LIMS1: variants seen among roughly 807,000 people sequenced by gnomAD.
LIMS1 encodes LIM and senescent cell antigen-like-containing domain protein 1.
LIMS1 carries 18 observed loss-of-function variants against 44.1 expected under a neutral mutation model. The ratio of observed to expected loss-of-function variants is 0.41; its 90% CI spans 0.28 to 0.61. The LOEUF (loss-of-function observed/expected upper bound fraction) is 0.61. Among genes scored for constraint, LIMS1 ranks in the 20% least tolerant of loss-of-function variants. LIMS1 has a pLI of 0.32. For missense variants in LIMS1, 201 were observed against 422.0 expected (o/e 0.48, Z 4.59); for synonymous variants, 93 against 149.1 (o/e 0.62, Z 2.74).
At chr2:108,636,438 G>GTGCTGC (rs1488019786) in intron 1 of LIMS1, among the ~76,000 whole-genome samples, 1 of 152,242 alleles carries the variant, frequency 6.6e-6, no homozygotes, top group Admixed American at 6.5e-5. Flanking sequence ...AGACACCGAA[G>GTGCTGC]AAGCCAGAGT....
chr2:108,623,760 C>T (rs992604034), intron 1 of LIMS1, among the ~76,000 whole-genome samples: 1 of 152,182 alleles, frequency 6.6e-6, no homozygotes, highest in Admixed American at 6.5e-5. Context: ...GCTCTCATTC[C>T]TTCTTACTCA....
chr2:108,607,263 C>G (rs1483844114), intron 1 of LIMS1: 1 of 1,550,752 alleles, frequency 6.4e-7, no homozygotes. Flanking sequence ...ATGGTGAGTG[C>G]TGCTGCACAA....
chr2:108,534,491 G>C, exon 1 of LIMS1: 2 of 1,124,728 alleles, frequency 1.8e-6, no homozygotes, highest in East Asian at 4.1e-5. Context: ...GCGGCGGCGA[G>C]GGACTAGGAC....
intron 1 of LIMS1, among the ~76,000 whole-genome samples, chr2:108,646,859 C>G (rs1261684420): frequency 1.3e-5 from 2 of 152,068 alleles, no homozygotes; most frequent in African/African-American, 4.8e-5. Flanking sequence ...GTAGCTGGGA[C>G]TACAGGCGCC....
At position 108,627,845 on chromosome 2, in the gene LIMS1, A is replaced by G. The variant is rs528460366; in HGVS notation, c.33-31760A>G. On this transcript the variant is annotated intron_variant, in intron 1 of 9. Transcript: ENST00000544547. ...ATCTTCTTTTAGAAGTAATTATTAAATATGTTTCACATAAATATGAACCTC... is the reference window on the plus strand; with the variant it reads ...ATCTTCTTTTAGAAGTAATTATTAAGTATGTTTCACATAAATATGAACCTC... Among the ~76,000 whole-genome samples, 3 of 152,346 alleles carry G rather than the reference A, an allele frequency of 2.0e-5. No homozygotes were observed. The East Asian group carries it at 5.8e-4, about 29-fold the overall frequency.
At chr2:108,602,954 G>A (rs1281923083) in intron 1 of LIMS1, among the ~76,000 whole-genome samples, 5 of 151,886 alleles carry the variant, frequency 3.3e-5, no homozygotes, top group African/African-American at 4.8e-5. Flanking sequence ...TTTTTGCAGG[G>A]ACTTATTTGT....
intron 1 of LIMS1, among the ~76,000 whole-genome samples, chr2:108,658,748 G>A (rs1249645694): frequency 6.6e-6 from 1 of 152,294 alleles, no homozygotes; most frequent in African/African-American, 2.4e-5. Context: ...ACCAGCCGCA[G>A]CAGTGGTTAC....
chr2:108,567,623 G>A (rs1339690622), intron 1 of LIMS1, among the ~76,000 whole-genome samples: 4 of 152,180 alleles, frequency 2.6e-5, no homozygotes, highest in Non-Finnish European at 5.9e-5. Context: ...CCAGGCTGGA[G>A]TGCAATGTCG....
intron 1 of LIMS1, among the ~76,000 whole-genome samples, chr2:108,550,956 A>G (rs1230318256): frequency 6.6e-6 from 1 of 151,662 alleles, no homozygotes; most frequent in Non-Finnish European, 1.5e-5. Flanking sequence ...CCTCATCTCT[A>G]CAAAAAAAAA....
intron 1 of LIMS1, among the ~76,000 whole-genome samples, chr2:108,587,296 G>T (rs1019462399): frequency 8.2e-5 from 3 of 36,586 alleles, no homozygotes; most frequent in Admixed American, 4.2e-4. Flanking sequence ...GGGTTTGTGT[G>T]TGTGTGTGTG....
intron 1 of LIMS1, among the ~76,000 whole-genome samples, chr2:108,622,241 T>G (rs1205296878): frequency 1.3e-5 from 2 of 152,152 alleles, no homozygotes; most frequent in Non-Finnish European, 2.9e-5. Context: ...GTACTTTAAT[T>G]TGGAGGTCTT....
intron 1 of LIMS1, among the ~76,000 whole-genome samples, chr2:108,553,006 A>G (rs1684812442): frequency 6.6e-6 from 1 of 152,170 alleles, no homozygotes; most frequent in Admixed American, 6.5e-5. Flanking sequence ...AAAATAAACG[A>G]AGTTTAATCA....
intron 1 of LIMS1, among the ~76,000 whole-genome samples, chr2:108,616,803 A>T (rs1048430086): frequency 3.9e-5 from 6 of 152,128 alleles, no homozygotes; most frequent in Non-Finnish European, 8.8e-5. Context: ...CTTCCTTCAA[A>T]TTTATAGCCT....
chr2:108,681,981 T>G (rs1475563937), intron 9 of LIMS1, among the ~76,000 whole-genome samples: 1 of 152,200 alleles, frequency 6.6e-6, no homozygotes, highest in Admixed American at 6.5e-5. Context: ...TGTTCGAATG[T>G]GCATTCATAC....
At chr2:108,592,052 C>A (rs908576714) in intron 1 of LIMS1, among the ~76,000 whole-genome samples, 1 of 152,156 alleles carries the variant, frequency 6.6e-6, no homozygotes, top group African/African-American at 2.4e-5. Flanking sequence ...GCCTCGGCCT[C>A]CCAAAGTGCT....
chr2:108,543,681 T>C (rs556997242), intron 1 of LIMS1, among the ~76,000 whole-genome samples: 2 of 152,302 alleles, frequency 1.3e-5, no homozygotes, highest in East Asian at 3.9e-4. Flanking sequence ...ACCTTAGTTA[T>C]AGATTAAAAG....
At chr2:108,546,384 G>C (rs1484052266) in intron 1 of LIMS1, among the ~76,000 whole-genome samples, 2 of 149,024 alleles carry the variant, frequency 1.3e-5, no homozygotes, top group East Asian at 4.2e-4. Flanking sequence ...TGGGCTTCAG[G>C]GTTCCTCCTG....
At chr2:108,596,794 T>C (rs1686718648) in intron 1 of LIMS1, among the ~76,000 whole-genome samples, 1 of 151,078 alleles carries the variant, frequency 6.6e-6, no homozygotes, top group Non-Finnish European at 1.5e-5. Flanking sequence ...TTGCACAGCC[T>C]GGACAACAAG....
intron 1 of LIMS1, among the ~76,000 whole-genome samples, chr2:108,639,229 T>G (rs1689497424): frequency 6.6e-6 from 1 of 152,124 alleles, no homozygotes; most frequent in African/African-American, 2.4e-5. Flanking sequence ...GAAAGCTTCC[T>G]GGAGAAGATC....
Sources: allele counts gnomAD v4.1 joint callset (sites outside exome capture counted in the v4.1 genomes callset), GRCh38; gene constraint gnomAD v4.1.1; transcripts MANE v1.5; gene names NCBI Gene and HGNC (gene_info 2026-07-23, HGNC 2026-07-21).